Variants in CAPN13 observed in about 807,000 individuals in gnomAD.
CAPN13 encodes calpain-13.
In CAPN13, 90 loss-of-function variants were observed where a neutral mutation model predicts 98.4. The ratio of observed to expected loss-of-function variants is 0.92; its 90% CI spans 0.77 to 1.09. The LOEUF is 1.09. Among genes scored for constraint, CAPN13 ranks in the 50% least tolerant of loss-of-function variants. CAPN13 has a pLI of 0.00. For missense variants in CAPN13, 887 were observed against 841.3 expected, an observed-to-expected ratio of 1.05 and a Z score of -0.67; for synonymous variants, 330 against 305.5, an observed-to-expected ratio of 1.08 and a Z score of -0.84.
chr2:30,745,591 T>G, intron 12 of CAPN13, 132 bp downstream of exon 12: 1 of 824,108 alleles, frequency 1.2e-6, no homozygotes, highest in Admixed American at 2.5e-5. Context: ...TAGGCCTGTG[T>G]CTGATGTAAG....
Position 30,743,520 on chromosome 2 carries a change from G to T in CAPN13, c.1308C>A (p.Ser436Arg). Reference protein sequence around the residue: ...FFSSFRNTVQSSNNKFRRNFT... With the variant: ...FFSSFRNTVQRSNNKFRRNFT... ...AGTTGCGGCGGAATTTATTATTTGA[G>T]CTTTGGACAGTGTTTCTGAACGAGG... The change falls in exon 13 of 23, where the codon AGC becomes AGA. Residue 436 changes from serine (S) to arginine (R), a missense_variant. Physicochemically the swap from Ser to Arg is moderately radical, Grantham distance 110. Coordinates refer to ENST00000295055, the MANE Select transcript of CAPN13 (RefSeq NM_144575.3). 1 of 1,613,906 alleles carries T rather than the reference G, an allele frequency of 6.2e-7. No individual in the cohort carries two copies. Among genetic ancestry groups the T allele is most frequent in the African/African-American group, 1.3e-5 (1 of 74,994 alleles).
chr2:30,770,315 G>T lies in CAPN13; in HGVS notation c.522C>A (p.Ala174=). The change falls in exon 5 of 23, where the codon GCC becomes GCA. Residue 174 remains alanine, a splice_region_variant and synonymous_variant. Coordinates refer to ENST00000295055, the MANE Select transcript of CAPN13 (RefSeq NM_144575.3). ...ATGGGTGGCGGGGTTGTACTTACTT[G>T]GCATAGGCCTTCTCCAGCAGGCAGG... ...FWPCLLEKAY[A]KLLGSYSDLH... 1 of 1,613,636 alleles carries T rather than the reference G, an allele frequency of 6.2e-7. No individual in the cohort carries two copies.
chr2:30,778,305 G>A (rs537170681), intron 2 of CAPN13, among the ~76,000 whole-genome samples: 1 of 152,268 alleles, frequency 6.6e-6, no homozygotes, highest in South Asian at 2.1e-4. Context: ...GATTCCACCA[G>A]TGCTGCCACA....
Position 30,731,327 on chromosome 2 carries a change from A to AG in CAPN13, c.1983+16dup, listed in dbSNP as rs776067821. 6.2e-6 allele frequency: 10 copies of AG among 1,603,634 alleles called. No individual in the cohort carries two copies. In the Admixed American group the frequency reaches 1.7e-4, roughly 27 times the overall value. ...GCCTGGGACTGTGCCTGCCCCGGGGAGGGGAAGGTACCTCACCTCCATTTC... is the reference window on the plus strand; with the variant it reads ...GCCTGGGACTGTGCCTGCCCCGGGGAGGGGGAAGGTACCTCACCTCCATTTC... On this transcript the variant is annotated intron_variant, in intron 21 of 22. Coordinates refer to ENST00000295055, the MANE Select transcript of CAPN13 (RefSeq NM_144575.3).
intron 1 of CAPN13, among the ~76,000 whole-genome samples, chr2:30,805,317 G>A (rs1488044951): frequency 6.6e-6 from 1 of 152,154 alleles, no homozygotes; most frequent in Non-Finnish European, 1.5e-5. Flanking sequence ...GGCTGGTCAT[G>A]TCTCTTTGTG....
intron 21 of CAPN13, among the ~76,000 whole-genome samples, 180 bp from the exon 22 acceptor site, chr2:30,730,966 C>T (rs903517592): frequency 1.3e-5 from 2 of 152,152 alleles, no homozygotes; most frequent in Non-Finnish European, 2.9e-5. Flanking sequence ...TTCTGCTACT[C>T]CCTGAATAAC....
chr2:30,779,669 T>C (rs958354832), intron 2 of CAPN13, among the ~76,000 whole-genome samples: 3 of 151,490 alleles, frequency 2.0e-5, no homozygotes, highest in Non-Finnish European at 2.9e-5. Context: ...TTAAACAAGA[T>C]AGAATAAAAA....
At chr2:30,743,818 T>C (rs1671779410) in intron 12 of CAPN13, 5 of 650,832 alleles carry the variant, frequency 7.7e-6, no homozygotes, top group East Asian at 5.9e-5. Flanking sequence ...TTTCATCTCA[T>C]TGGGTCTAAC....
chr2:30,750,044 A>G (rs1672096339), intron 11 of CAPN13, among the ~76,000 whole-genome samples: 1 of 152,240 alleles, frequency 6.6e-6, no homozygotes, highest in Non-Finnish European at 1.5e-5. Flanking sequence ...AATAGCAAAG[A>G]CATGGAATCA....
chr2:30,740,798 C>T (rs550677446), intron 15 of CAPN13, among the ~76,000 whole-genome samples: 1 of 152,288 alleles, frequency 6.6e-6, no homozygotes, highest in East Asian at 1.9e-4. Flanking sequence ...GTGCATGGGC[C>T]ATGTGTGAGA....
At chr2:30,728,176 G>T (rs561373139) in intron 22 of CAPN13, among the ~76,000 whole-genome samples, 1 of 150,156 alleles carries the variant, frequency 6.7e-6, no homozygotes, top group East Asian at 1.9e-4. Flanking sequence ...GGGAGCAACT[G>T]CTGTGGGCAT....
At chr2:30,726,929 T>C (rs1670878498) in intron 22 of CAPN13, among the ~76,000 whole-genome samples, 1 of 152,146 alleles carries the variant, frequency 6.6e-6, no homozygotes, top group African/African-American at 2.4e-5. Context: ...AAACTCACAC[T>C]TCCTAATTTC....
In CAPN13 at chr2:30,787,375, G is replaced by A. The variant is rs1264935367; in HGVS notation, c.-32-18C>T. On this transcript the variant is annotated intron_variant, in intron 1 of 22. Coordinates refer to ENST00000295055, the MANE Select transcript of CAPN13 (RefSeq NM_144575.3). ...GTCCTTTCCTGTTGGTGAGAAAAAG[G>A]GATACCTTTGGGGTAAGCCATCAAG... 1.3e-6 allele frequency: 2 copies of A among 1,542,080 alleles called. No homozygotes were observed. The highest frequency in any genetic ancestry group is 1.2e-5 in the South Asian group (1 of 80,200).
At chr2:30,732,136 G>A (rs546685888) in intron 20 of CAPN13, among the ~76,000 whole-genome samples, 2 of 152,340 alleles carry the variant, frequency 1.3e-5, no homozygotes, top group South Asian at 4.1e-4. Flanking sequence ...CATAACTGAA[G>A]AGCAGGTTTC....
chr2:30,775,455 A>G (rs1673635862), intron 4 of CAPN13, among the ~76,000 whole-genome samples: 1 of 152,018 alleles, frequency 6.6e-6, no homozygotes, highest in Non-Finnish European at 1.5e-5. Context: ...ATTGTGTATC[A>G]CAGTGGCTTT....
rs113776964 is a variant in CAPN13, at chr2:30,762,175, T to C, written c.774+907A>G. On this transcript the variant is annotated intron_variant, in intron 7 of 22. Coordinates refer to ENST00000295055, the MANE Select transcript of CAPN13 (RefSeq NM_144575.3). The stretch of plus-strand genomic sequence containing the variant: ...CAGGCCAGCTGTCTCTCAGATGCTA[T>C]CTATCTAACCTCGTGAAAGACATCT... 9.7e-3 allele frequency among the ~76,000 whole-genome samples: 1,470 copies of C among 152,298 alleles called. 20 individuals carry two copies. The highest frequency in any genetic ancestry group is 0.034 in the African/African-American group (1,399 of 41,556).
intron 17 of CAPN13, chr2:30,737,966 GACACACACACACACACAC>G (rs71831494): frequency 1.3e-5 from 5 of 373,394 alleles, no homozygotes; most frequent in South Asian, 7.3e-5. Context: ...GAATTATAAG[GACACACACACACACACAC>G]ACACACACAC....
intron 9 of CAPN13, 53 bp downstream of exon 9, chr2:30,754,237 A>C (rs1333660277): frequency 1.4e-6 from 2 of 1,408,766 alleles, no homozygotes; most frequent in African/African-American, 2.9e-5. Context: ...GTAGGGATTG[A>C]AGACTTGGGC....
chr2:30,800,125 AAAGAAAG>A (rs1263749897), intron 1 of CAPN13, among the ~76,000 whole-genome samples: 4 of 115,434 alleles, frequency 3.5e-5, no homozygotes, highest in African/African-American at 1.5e-4. Flanking sequence ...GAAAAGAAAG[AAAGAAAG>A]AAAGAAAGAA....
Sources: gnomAD v4.1 joint callset for allele counts (sites outside exome capture counted in the v4.1 genomes callset) on GRCh38, gnomAD v4.1.1 for gene constraint, MANE v1.5 for transcripts, NCBI Gene and HGNC (gene_info 2026-07-23, HGNC 2026-07-21) for gene names.